WAPL: variants seen among roughly 807,000 people sequenced by gnomAD.
WAPL encodes WAPL cohesin release factor.
In WAPL, 5 loss-of-function variants were observed where a neutral mutation model predicts 121.0. The observed-to-expected ratio is 0.04, with a 90% CI of 0.02 to 0.09. WAPL has a LOEUF of 0.09. Ranked by LOEUF, WAPL falls within the 10% of genes least tolerant of loss-of-function variation. The probability of loss-of-function intolerance (pLI) is 1.00; values close to 1 mark genes in which losing one functional copy is unlikely to be tolerated. For missense variants in WAPL, 999 were observed against 1,410.8 expected (o/e 0.71, Z 4.68); for synonymous variants, 480 against 481.5 (o/e 1.00, Z 0.04).
At chr10:86,480,758 C>CT (rs1254045601) in intron 4 of WAPL, among the ~76,000 whole-genome samples, 2 of 152,222 alleles carry the variant, frequency 1.3e-5, no homozygotes, top group Admixed American at 6.5e-5. Context: ...GGGCATGTGA[C>CT]TAAGCTCTTG....
At chr10:86,520,489 A>G (rs551505649) in intron 1 of WAPL, among the ~76,000 whole-genome samples, 2 of 152,270 alleles carry the variant, frequency 1.3e-5, no homozygotes, top group East Asian at 1.9e-4. Context: ...TCATTATATA[A>G]TATCTCCTCC....
chr10:86,491,112 T>C (rs1410069861), intron 4 of WAPL, among the ~76,000 whole-genome samples: 1 of 144,920 alleles, frequency 6.9e-6, no homozygotes, highest in Non-Finnish European at 1.5e-5. Flanking sequence ...AAAAAGAAAC[T>C]ATCAATAACA....
chr10:86,460,299 G>GA (rs1448850793), intron 11 of WAPL, 100 bp downstream of exon 11: 4 of 894,506 alleles, frequency 4.5e-6, no homozygotes, highest in African/African-American at 1.7e-5. Context: ...TAACAGAAGT[G>GA]AACCTCCAGG....
rs186605613 is a variant in WAPL, at chr10:86,484,491, T to G, written c.1645-10518A>C. ...ACCTAGGTGACAGAGGGAGATTGTC[T>G]CAAAACAAAAAGCAAAAAGAAAAAA... On this transcript the variant is annotated intron_variant, in intron 4 of 18. Coordinates refer to ENST00000298767, the MANE Select transcript of WAPL (RefSeq NM_015045.5). 3.4e-3 allele frequency among the ~76,000 whole-genome samples: 512 copies of G among 152,198 alleles called. 2 individuals are homozygous for G. The highest frequency in any genetic ancestry group is 0.012 in the African/African-American group (490 of 41,524).
intron 15 of WAPL, among the ~76,000 whole-genome samples, chr10:86,449,252 A>G (rs1194508333): frequency 6.6e-6 from 1 of 152,222 alleles, no homozygotes; most frequent in Non-Finnish European, 1.5e-5. Context: ...TAAACGATAT[A>G]AATCTGAACA....
At chr10:86,450,184 A>G (rs557636135) in intron 15 of WAPL, among the ~76,000 whole-genome samples, 103 of 152,344 alleles carry the variant, frequency 6.8e-4, no homozygotes, top group Non-Finnish European at 1.3e-3. Context: ...GTCTATAACT[A>G]TTTTGAAATA....
intron 4 of WAPL, among the ~76,000 whole-genome samples, chr10:86,486,816 C>T (rs551288466): frequency 8.5e-5 from 13 of 152,144 alleles, no homozygotes; most frequent in Admixed American, 3.3e-4. Context: ...ATTAGCTGGA[C>T]GCAGTGGCGT....
chr10:86,444,909 A>AG (rs1379477114), intron 16 of WAPL, among the ~76,000 whole-genome samples: 2 of 151,428 alleles, frequency 1.3e-5, no homozygotes, highest in African/African-American at 4.8e-5. Flanking sequence ...AAAAAAAAAA[A>AG]AAAGAAATGC....
At chr10:86,440,024 C>T (rs1313860449) in intron 17 of WAPL, among the ~76,000 whole-genome samples, 1 of 152,188 alleles carries the variant, frequency 6.6e-6, no homozygotes, top group East Asian at 1.9e-4. Context: ...TCATAATAAT[C>T]TCCAAGGCAA....
chr10:86,471,233 A>G (rs1052991995), intron 7 of WAPL, 130 bp from the exon 8 acceptor site: 2 of 593,282 alleles, frequency 3.4e-6, no homozygotes, highest in Non-Finnish European at 5.9e-6. Flanking sequence ...CATGATCACA[A>G]TATAAAAACC....
chr10:86,482,715 A>C (rs1201189003), intron 4 of WAPL, among the ~76,000 whole-genome samples: 1 of 152,236 alleles, frequency 6.6e-6, no homozygotes, highest in African/African-American at 2.4e-5. Flanking sequence ...TAGGCCCCAA[A>C]TAATTAAATA....
In WAPL at chr10:86,436,385, A is replaced by T. The variant is rs1055550954; in HGVS notation, c.*1158T>A. 6 of 139,316 alleles carry T rather than the reference A, an allele frequency of 4.3e-5. No homozygotes were observed. Among genetic ancestry groups the T allele is most frequent in the Non-Finnish European group, 9.2e-5 (6 of 65,330 alleles). The allele number at this position is 139,316 out of a possible 1,614,324, so 8.6% of individuals were successfully genotyped here. ...CCTGTATTCAGGCCCAATCAATAAAAAAGGAAAAAAAAAAGTATAACCAGT... is the reference window on the plus strand; with the variant it reads ...CCTGTATTCAGGCCCAATCAATAAATAAGGAAAAAAAAAAGTATAACCAGT... On this transcript the variant is annotated 3_prime_UTR_variant, in exon 19 of 19. Transcript: ENST00000298767.
chr10:86,477,542 C>G lies in WAPL; in HGVS notation c.1645-3569G>C, dbSNP rs570215158. On this transcript the variant is annotated intron_variant, in intron 4 of 18. Transcript: ENST00000298767. Reference sequence around the variant, plus strand: ...ACAGGGCCAGGTACCGTGACTCATGCCTGTAATCCCAGCATTTTGGTAGGC... The same window carrying G: ...ACAGGGCCAGGTACCGTGACTCATGGCTGTAATCCCAGCATTTTGGTAGGC... Among the ~76,000 whole-genome samples, 34 of 152,268 alleles carry G rather than the reference C, an allele frequency of 2.2e-4. 1 individual carries two copies. In the South Asian group the frequency reaches 6.0e-3, roughly 27 times the overall value.
rs573142991 is a variant in WAPL at position 86,521,528 on chromosome 10, G to T, written c.-186C>A. 2.7e-6 allele frequency: 1 copy of T among 366,698 alleles called. No homozygotes were observed. The highest frequency in any genetic ancestry group is 2.3e-5 in the African/African-American group (1 of 43,408). The allele number at this position is 366,698 out of a possible 1,614,324, so 22.7% of individuals were successfully genotyped here. On this transcript the variant is annotated 5_prime_UTR_variant, in exon 1 of 19. Coordinates refer to ENST00000298767, the MANE Select transcript of WAPL (RefSeq NM_015045.5). The stretch of plus-strand genomic sequence containing the variant: ...TTCGGTAAATAGGAAGCCCGGTTGG[G>T]GGGGCAGGAGCGGCGGCCCCGCAAC...
Position 86,458,595 on chromosome 10 carries a change from CATTTAA to C in WAPL, c.2657+388_2657+393del, listed in dbSNP as rs202108332. Among the ~76,000 whole-genome samples the C allele has an allele frequency of 1.7e-3, 258 of 152,070 alleles. 4 individuals carry two copies. The East Asian group carries it at 0.042, about 25-fold the overall frequency. On this transcript the variant is annotated intron_variant, in intron 12 of 18. Transcript: ENST00000298767. ...ATGATACAAAAGATACTTTAAAAAT[CATTTAA>C]ATTTAAATTTTTTATATGTATTTTT...
intron 15 of WAPL, among the ~76,000 whole-genome samples, chr10:86,448,714 A>C (rs1840897508): frequency 6.6e-6 from 1 of 152,088 alleles, no homozygotes; most frequent in Non-Finnish European, 1.5e-5. Context: ...TCCTGGGCTC[A>C]TGTGATTCTC....
chr10:86,454,068 T>C (rs921782572), intron 12 of WAPL, among the ~76,000 whole-genome samples: 2 of 152,214 alleles, frequency 1.3e-5, no homozygotes, highest in African/African-American at 4.8e-5. Flanking sequence ...GTCTCGCATG[T>C]TATTGATCTC....
chr10:86,505,217 C>G (rs139239728), intron 2 of WAPL, among the ~76,000 whole-genome samples: 1,554 of 147,750 alleles, frequency 0.011, 30 homozygotes, highest in African/African-American at 0.037. Flanking sequence ...CCAGGCTGGT[C>G]TCAAACTCCT....
intron 2 of WAPL, among the ~76,000 whole-genome samples, chr10:86,503,614 G>A (rs974844681): frequency 1.3e-5 from 2 of 152,062 alleles, no homozygotes; most frequent in African/African-American, 2.4e-5. Context: ...TGAGCCAGGC[G>A]TGGTGGCGGG....
Sources: gnomAD v4.1 joint callset for allele counts (sites outside exome capture counted in the v4.1 genomes callset) on GRCh38, gnomAD v4.1.1 for gene constraint, MANE v1.5 for transcripts, NCBI Gene and HGNC (gene_info 2026-07-23, HGNC 2026-07-21) for gene names.